Variants in PRKD3 observed in about 807,000 individuals in gnomAD.
PRKD3 encodes the protein serine/threonine-protein kinase D3.
Under a neutral mutation model 99.2 loss-of-function variants are expected in PRKD3, and 47 were observed. The observed-to-expected ratio is 0.47, with a 90% CI of 0.38 to 0.60. The LOEUF is 0.60. PRKD3 is among the 20% of genes least tolerant of loss of function. The pLI is 0.00. For missense variants in PRKD3, 1,019 were observed against 1,088.4 expected (o/e 0.94, Z 0.90); for synonymous variants, 392 against 355.4 (o/e 1.10, Z -1.16).
intron 7 of PRKD3, 156 bp downstream of exon 7, chr2:37,282,386 T>C (rs1243002025): frequency 1.7e-6 from 1 of 592,146 alleles, no homozygotes; most frequent in Non-Finnish European, 3.0e-6. Flanking sequence ...AAATGTATAC[T>C]GTCAGTGGTC....
intron 2 of PRKD3, among the ~76,000 whole-genome samples, chr2:37,305,605 T>C (rs1650617259): frequency 6.6e-6 from 1 of 152,200 alleles, no homozygotes; most frequent in Admixed American, 6.5e-5. Context: ...ACTCTTAATT[T>C]CCTCAAAACT....
chr2:37,324,452 C>CCG (rs1433124547), intron 1 of PRKD3: 1 of 151,814 alleles, frequency 6.6e-6, no homozygotes, highest in African/African-American at 2.4e-5. Context: ...CCACCTCCCG[C>CCG]CGCGCGCTCC....
intron 2 of PRKD3, among the ~76,000 whole-genome samples, chr2:37,297,042 A>T (rs1670706854): frequency 6.6e-6 from 1 of 152,110 alleles, no homozygotes. Context: ...ATGAAGAATT[A>T]TACAGAACAA....
intron 13 of PRKD3, chr2:37,269,339 C>T (rs559943778): frequency 2.5e-6 from 1 of 397,254 alleles, no homozygotes; most frequent in Non-Finnish European, 4.7e-6. Flanking sequence ...CCATCTCCCC[C>T]CCTGCCTCCG....
chr2:37,288,330 G>A (rs1670221348), intron 5 of PRKD3, among the ~76,000 whole-genome samples: 2 of 152,026 alleles, frequency 1.3e-5, no homozygotes, highest in East Asian at 1.9e-4. Flanking sequence ...CCTTTATGCC[G>A]CAGCACTCTT....
chr2:37,276,080 G>A (rs1669555248), intron 9 of PRKD3, among the ~76,000 whole-genome samples: 1 of 152,052 alleles, frequency 6.6e-6, no homozygotes, highest in Admixed American at 6.6e-5. Context: ...TCAGGTTTCT[G>A]GGAATCCTTG....
intron 5 of PRKD3, among the ~76,000 whole-genome samples, chr2:37,287,130 T>G (rs996847141): frequency 2.0e-5 from 3 of 148,278 alleles, no homozygotes; most frequent in African/African-American, 7.5e-5. Context: ...CTCGGGAGGC[T>G]GACGCAGAAG....
intron 12 of PRKD3, among the ~76,000 whole-genome samples, 177 bp downstream of exon 12, chr2:37,272,203 A>G (rs1669311789): frequency 6.6e-6 from 1 of 152,162 alleles, no homozygotes; most frequent in Non-Finnish European, 1.5e-5. Flanking sequence ...TTTATTTTTA[A>G]TTTTAAAAAT....
chr2:37,287,593 A>AT (rs1670182494), intron 5 of PRKD3, among the ~76,000 whole-genome samples: 1 of 151,954 alleles, frequency 6.6e-6, no homozygotes, highest in African/African-American at 2.4e-5. Context: ...AAATCTGTTC[A>AT]TATAGCTAGA....
At position 37,256,870 on chromosome 2, in the gene PRKD3, A is replaced by G. The variant is rs1312889040; in HGVS notation, c.2205T>C (p.Ser735=). 1.2e-6 allele frequency: 2 copies of G among 1,613,988 alleles called. No homozygotes were observed. The highest frequency in any genetic ancestry group is 4.5e-5 in the East Asian group (2 of 44,870). Residue 735 remains serine (S), a synonymous_variant, in exon 17 of 19, where the codon TCT becomes TCC. Transcript: ENST00000234179. ...CTAAGTATGCTGGAGTTCCTACCAC[A>G]GATCTCCTGAATGACTTTTCACCAA... ...RIIGEKSFRR[S]VVGTPAYLAP... is the part of the protein sequence containing the mutation.
At chr2:37,294,299 T>C (rs576513071) in intron 2 of PRKD3, among the ~76,000 whole-genome samples, 4 of 152,256 alleles carry the variant, frequency 2.6e-5, no homozygotes, top group Admixed American at 1.3e-4. Flanking sequence ...TCTCGCTGTG[T>C]GGCCCAGGCT....
At chr2:37,303,467 A>G (rs554560467) in intron 2 of PRKD3, among the ~76,000 whole-genome samples, 1 of 152,148 alleles carries the variant, frequency 6.6e-6, no homozygotes, top group East Asian at 1.9e-4. Context: ...AGAGAGTATT[A>G]TATCTTCTGG....
At chr2:37,293,421 T>C (rs1314529572) in intron 2 of PRKD3, 150 bp from the exon 3 acceptor site, 1 of 657,932 alleles carries the variant, frequency 1.5e-6, no homozygotes. Flanking sequence ...GTGATCCACG[T>C]ACTCAAGCAT....
At chr2:37,267,346 TAAAAAAA>T in intron 14 of PRKD3, 77 bp downstream of exon 14, 1 of 784,482 alleles carries the variant, frequency 1.3e-6, no homozygotes, top group Non-Finnish European at 1.9e-6. Context: ...TTTGCCTTCT[TAAAAAAA>T]AAAAAAAAAG....
At chr2:37,321,588 CTGT>C (rs978542895) in intron 1 of PRKD3, among the ~76,000 whole-genome samples, 3 of 152,206 alleles carry the variant, frequency 2.0e-5, no homozygotes, top group Admixed American at 1.3e-4. Flanking sequence ...ATTTCCCAGA[CTGT>C]TATGAGAGAC....
intron 7 of PRKD3, among the ~76,000 whole-genome samples, chr2:37,280,854 A>G (rs1026405712): frequency 6.6e-6 from 1 of 152,240 alleles, no homozygotes; most frequent in Admixed American, 6.5e-5. Flanking sequence ...TAAGCAAATC[A>G]TATGCCAGAT....
chr2:37,259,610 C>G lies in PRKD3; in HGVS notation c.2118G>C (p.Leu706=). 6.2e-7 allele frequency: 1 copy of G among 1,613,032 alleles called. No individual in the cohort carries two copies. Among genetic ancestry groups the G allele is most frequent in the East Asian group, 2.2e-5 (1 of 44,850 alleles). ...GAGGAAATGGCTCTGCTGATGCAAG[C>G]AGCACATTTTCTGGCTTTAAATCAC... ...VHCDLKPENV[L]LASAEPFPQV... Residue 706 remains leucine (L), a synonymous_variant, in exon 16 of 19, where the codon CTG becomes CTC. Coordinates refer to ENST00000234179, the MANE Select transcript of PRKD3 (RefSeq NM_005813.6).
At chr2:37,272,546 A>C in intron 11 of PRKD3, 114 bp from the exon 12 acceptor site, 1 of 1,297,572 alleles carries the variant, frequency 7.7e-7, no homozygotes, top group Non-Finnish European at 1.0e-6. Context: ...CAGTTAATAC[A>C]ATTATGTACA....
At position 37,316,683 on chromosome 2, in the gene PRKD3, G is replaced by C. The variant is rs1375015085; in HGVS notation, c.-159C>G. ...AAGCCACTCATGCCGATACTTTTAA[G>C]TTTTATCAAGGAGTTGAATGCCCCA... is the stretch of plus-strand genomic sequence containing the variant. On this transcript the variant is annotated 5_prime_UTR_variant, in exon 2 of 19. Coordinates refer to ENST00000234179, the MANE Select transcript of PRKD3 (RefSeq NM_005813.6). The C allele has an allele frequency of 1.4e-6, 2 of 1,433,200 alleles. No individual in the cohort carries two copies. Among genetic ancestry groups the C allele is most frequent in the Admixed American group, 2.9e-5 (1 of 34,352 alleles). 88.8% of individuals were successfully genotyped at this position (1,433,200 alleles called of 1,614,324 possible).
Sources: gnomAD v4.1 joint callset for allele counts (sites outside exome capture counted in the v4.1 genomes callset) on GRCh38, gnomAD v4.1.1 for gene constraint, MANE v1.5 for transcripts, NCBI Gene and HGNC (gene_info 2026-07-23, HGNC 2026-07-21) for gene names.